GRIA3: variants seen among roughly 807,000 people sequenced by gnomAD.
GRIA3 encodes the protein glutamate receptor 3.
Under a neutral mutation model 63.0 loss-of-function variants are expected in GRIA3, and 3 were observed. The observed-to-expected ratio is 0.05, with a 90% CI of 0.02 to 0.12. The LOEUF is 0.12. Ranked by LOEUF, GRIA3 falls within the 10% of genes least tolerant of loss-of-function variation. GRIA3 has a pLI of 1.00. For synonymous variants in GRIA3, 274 were observed against 257.9 expected, an observed-to-expected ratio of 1.06 and a Z score of -0.60; for missense variants, 347 against 700.9, an observed-to-expected ratio of 0.50 and a Z score of 5.70.
intron 11 of GRIA3, among the ~76,000 whole-genome samples, chrX:123,418,660 T>C (rs2045548552): frequency 8.9e-6 from 1 of 112,141 alleles, no homozygotes; most frequent in Admixed American, 9.5e-5. Context: ...TACTCAACAT[T>C]GTTGGCCATT....
chrX:123,264,216 C>T (rs970930291), intron 3 of GRIA3, among the ~76,000 whole-genome samples: 14 of 112,133 alleles, frequency 1.2e-4, no homozygotes, highest in African/African-American at 4.2e-4. Context: ...AGGAGGAATG[C>T]TCAGAAATAG....
intron 4 of GRIA3, among the ~76,000 whole-genome samples, chrX:123,349,394 G>C (rs752438477): frequency 1.8e-5 from 2 of 112,019 alleles, no homozygotes; most frequent in Non-Finnish European, 3.8e-5. Context: ...GTATTCCATT[G>C]AGTCATGATG....
At chrX:123,303,966 T>C (rs1052095920) in intron 3 of GRIA3, among the ~76,000 whole-genome samples, 1 of 111,019 alleles carries the variant, frequency 9.0e-6, no homozygotes, top group Non-Finnish European at 1.9e-5. Flanking sequence ...GCGGGTGATA[T>C]CAGGGATTTA....
chrX:123,247,226 G>A (rs1419273511), intron 2 of GRIA3, among the ~76,000 whole-genome samples: 1 of 112,464 alleles, frequency 8.9e-6, no homozygotes, highest in Non-Finnish European at 1.9e-5. Flanking sequence ...CAAAAGGTAT[G>A]AAAAGTGTTC....
chrX:123,209,279 G>T (rs1175641521), intron 2 of GRIA3, among the ~76,000 whole-genome samples: 2 of 111,737 alleles, frequency 1.8e-5, no homozygotes, highest in Admixed American at 9.5e-5. Context: ...ACTACATAAG[G>T]CTGTTGATAA....
At chrX:123,287,304 T>G (rs2044626522) in intron 3 of GRIA3, among the ~76,000 whole-genome samples, 1 of 111,785 alleles carries the variant, frequency 8.9e-6, no homozygotes, top group African/African-American at 3.3e-5. Flanking sequence ...CCACAGCCAG[T>G]ATCATACAGA....
Position 123,442,294 on chromosome X carries a change from G to A in GRIA3, c.2076+14155G>A, listed in dbSNP as rs143529881. ...TACAAACACAGTTGTTTCTCAGTTC[G>A]CAAGAATTGAGACTATTTAGCCTGA... On this transcript the variant is annotated intron_variant, in intron 12 of 15. Transcript: ENST00000620443. 8.0e-5 allele frequency among the ~76,000 whole-genome samples: 9 copies of A among 111,939 alleles called. No individual in the cohort carries two copies. The East Asian group carries it at 2.0e-3, about 24-fold the overall frequency.
chrX:123,330,785 T>G (rs1306790383), intron 4 of GRIA3, among the ~76,000 whole-genome samples: 1 of 110,975 alleles, frequency 9.0e-6, no homozygotes, highest in African/African-American at 3.3e-5. Flanking sequence ...AGAGAGGAAA[T>G]GAAGACAGTA....
chrX:123,311,378 C>T (rs1026216016), intron 3 of GRIA3, among the ~76,000 whole-genome samples: 34 of 111,958 alleles, frequency 3.0e-4, no homozygotes, highest in African/African-American at 1.1e-3. Flanking sequence ...GTAGCCCAAG[C>T]ATGTACCAAT....
intron 12 of GRIA3, among the ~76,000 whole-genome samples, chrX:123,460,202 C>T (rs969661541): frequency 4.5e-5 from 5 of 111,950 alleles, no homozygotes; most frequent in Non-Finnish European, 9.4e-5. Context: ...TAAATGAGTC[C>T]AAATTATAGT....
chrX:123,198,385 T>C (rs920292173), intron 2 of GRIA3, among the ~76,000 whole-genome samples: 4 of 112,273 alleles, frequency 3.6e-5, no homozygotes, highest in Non-Finnish European at 7.5e-5. Context: ...GTTGTGAAGA[T>C]TGGGATCATC....
At chrX:123,327,868 A>G (rs749035590) in intron 4 of GRIA3, among the ~76,000 whole-genome samples, 2 of 110,858 alleles carry the variant, frequency 1.8e-5, no homozygotes, top group South Asian at 7.6e-4. Context: ...ATTTTCTTAG[A>G]TCTTGAAAGT....
intron 5 of GRIA3, among the ~76,000 whole-genome samples, chrX:123,356,861 G>A (rs1189669696): frequency 9.0e-6 from 1 of 111,469 alleles, no homozygotes; most frequent in Non-Finnish European, 1.9e-5. Flanking sequence ...GAGTGGTGGG[G>A]GGCAGTCATT....
At chrX:123,273,464 C>G (rs1442572220) in intron 3 of GRIA3, among the ~76,000 whole-genome samples, 1 of 111,807 alleles carries the variant, frequency 8.9e-6, no homozygotes, top group Non-Finnish European at 1.9e-5. Flanking sequence ...AAAGAGAACC[C>G]CTGCTTGCCC....
chrX:123,309,933 G>A (rs1388214829), intron 3 of GRIA3, among the ~76,000 whole-genome samples: 1 of 111,635 alleles, frequency 9.0e-6, no homozygotes, highest in African/African-American at 3.3e-5. Context: ...ATCTTCACAG[G>A]ACCTGACAAC....
At chrX:123,478,482 C>A (rs2045896956) in intron 13 of GRIA3, among the ~76,000 whole-genome samples, 1 of 111,823 alleles carries the variant, frequency 8.9e-6, no homozygotes, top group Admixed American at 9.5e-5. Flanking sequence ...AGAAAGTTAC[C>A]TCCCTGATAT....
intron 2 of GRIA3, among the ~76,000 whole-genome samples, chrX:123,188,782 GAGGCAGGCACA>G (rs1227069089): frequency 8.9e-6 from 1 of 111,785 alleles, no homozygotes; most frequent in Non-Finnish European, 1.9e-5. Context: ...CCTCAATCCT[GAGGCAGGCACA>G]CACTTTCTAG....
intron 5 of GRIA3, among the ~76,000 whole-genome samples, chrX:123,361,691 G>T (rs1331220347): frequency 9.0e-6 from 1 of 111,060 alleles, no homozygotes; most frequent in African/African-American, 3.3e-5. Flanking sequence ...CCACTGCACT[G>T]TGTCTCTCTT....
chrX:123,368,298 A>G (rs572809243), intron 5 of GRIA3, among the ~76,000 whole-genome samples: 13 of 111,725 alleles, frequency 1.2e-4, no homozygotes, highest in African/African-American at 4.2e-4. Flanking sequence ...AGCTTCACGA[A>G]TGGAGTCTGA....
Sources: allele counts gnomAD v4.1 joint callset (sites outside exome capture counted in the v4.1 genomes callset), GRCh38; gene constraint gnomAD v4.1.1; transcripts MANE v1.5; gene names NCBI Gene and HGNC (gene_info 2026-07-23, HGNC 2026-07-21).